The following CCSER1 variants were observed in gnomAD, a reference collection of about 807,000 sequenced individuals.
The protein encoded by CCSER1 is coiled-coil serine rich protein 1.
In CCSER1, 41 loss-of-function variants were observed where a neutral mutation model predicts 82.0. The observed-to-expected ratio is 0.50, with a 90% CI of 0.39 to 0.65. CCSER1 has a LOEUF of 0.65. Ranked by LOEUF, CCSER1 falls within the 30% of genes least tolerant of loss-of-function variation. The pLI is 0.00. For synonymous variants in CCSER1, 414 were observed against 383.9 expected (o/e 1.08, Z -0.92); for missense variants, 1,119 against 1,064.2 (o/e 1.05, Z -0.72).
intron 10 of CCSER1, among the ~76,000 whole-genome samples, chr4:91,234,451 A>G (rs1413436525): frequency 6.6e-6 from 1 of 152,100 alleles, no homozygotes; most frequent in Non-Finnish European, 1.5e-5. Context: ...AAAACCGAAC[A>G]ATTTTAACCC....
intron 10 of CCSER1, among the ~76,000 whole-genome samples, chr4:91,364,558 C>A (rs535337036): frequency 1.3e-5 from 2 of 152,162 alleles, no homozygotes; most frequent in East Asian, 3.9e-4. Context: ...ACCTAACATG[C>A]TCTCAACTGT....
intron 1 of CCSER1, among the ~76,000 whole-genome samples, chr4:90,216,094 A>G (rs983855664): frequency 2.6e-5 from 4 of 152,186 alleles, no homozygotes; most frequent in Non-Finnish European, 5.9e-5. Context: ...GAAACTTTTT[A>G]TATAACACAG....
At chr4:90,417,353 T>C (rs1755955260) in intron 4 of CCSER1, among the ~76,000 whole-genome samples, 1 of 152,140 alleles carries the variant, frequency 6.6e-6, no homozygotes, top group African/African-American at 2.4e-5. Context: ...CTATTTTAAA[T>C]ACCTTAAAAA....
At chr4:90,523,506 G>A (rs1773385206) in intron 5 of CCSER1, among the ~76,000 whole-genome samples, 1 of 152,026 alleles carries the variant, frequency 6.6e-6, no homozygotes, top group African/African-American at 2.4e-5. Context: ...TCTTTTACCT[G>A]TACTACATAA....
At chr4:90,869,528 T>A (rs1435697156) in intron 8 of CCSER1, among the ~76,000 whole-genome samples, 2 of 152,062 alleles carry the variant, frequency 1.3e-5, no homozygotes, top group East Asian at 3.9e-4. Flanking sequence ...TGAATTTATT[T>A]ATGGATTTTC....
At chr4:90,344,277 T>C (rs1741939441) in intron 3 of CCSER1, among the ~76,000 whole-genome samples, 1 of 152,216 alleles carries the variant, frequency 6.6e-6, no homozygotes, top group Non-Finnish European at 1.5e-5. Context: ...CATTCATTTA[T>C]TTTTCTGCCT....
intron 4 of CCSER1, among the ~76,000 whole-genome samples, chr4:90,406,920 G>A (rs1753821467): frequency 6.6e-6 from 1 of 151,922 alleles, no homozygotes. Flanking sequence ...TAGCACAAAT[G>A]GGCAATCTAA....
chr4:90,147,444 T>C (rs1726023069), intron 1 of CCSER1, among the ~76,000 whole-genome samples: 1 of 152,164 alleles, frequency 6.6e-6, no homozygotes, highest in South Asian at 2.1e-4. Context: ...CCATGAATTG[T>C]TTCTGGTTTA....
intron 7 of CCSER1, among the ~76,000 whole-genome samples, chr4:90,727,051 C>G (rs1743780641): frequency 6.6e-6 from 1 of 152,104 alleles, no homozygotes; most frequent in Non-Finnish European, 1.5e-5. Flanking sequence ...TGGGCAGCCT[C>G]TTGATACTGA....
At chr4:90,235,218 C>T (rs528863079) in intron 1 of CCSER1, 9 of 152,802 alleles carry the variant, frequency 5.9e-5, no homozygotes, top group African/African-American at 1.9e-4. Context: ...CTTGGGCTCT[C>T]CATGTCCCAG....
intron 10 of CCSER1, among the ~76,000 whole-genome samples, chr4:91,354,428 T>C (rs1248007461): frequency 6.6e-6 from 1 of 152,190 alleles, no homozygotes; most frequent in Admixed American, 6.5e-5. Flanking sequence ...TGTCCACATA[T>C]CCAGTATAAC....
chr4:90,419,722 T>C (rs1282748893), intron 4 of CCSER1, among the ~76,000 whole-genome samples: 1 of 151,876 alleles, frequency 6.6e-6, no homozygotes, highest in Admixed American at 6.6e-5. Flanking sequence ...TTATTGTAGT[T>C]CTTAATCATC....
chr4:90,919,425 G>C (rs1728055455), intron 8 of CCSER1, among the ~76,000 whole-genome samples: 1 of 151,656 alleles, frequency 6.6e-6, no homozygotes, highest in African/African-American at 2.4e-5. Context: ...TTTTATAAAA[G>C]GAACAAAAAC....
In CCSER1 at chr4:91,367,058, C is replaced by A. The variant is rs139411885; in HGVS notation, c.2218-231514C>A. Among the ~76,000 whole-genome samples the A allele has an allele frequency of 6.3e-3, 902 of 142,088 alleles. 14 individuals carry two copies. The highest frequency in any genetic ancestry group is 0.022 in the African/African-American group (841 of 38,028). 93.2% of individuals were successfully genotyped at this position (142,088 alleles called of 152,430 possible). On this transcript the variant is annotated intron_variant, in intron 10 of 10. Coordinates refer to ENST00000509176, the MANE Select transcript of CCSER1 (RefSeq NM_001145065.2). ...CCTATAATCCTAGCATTTTGGGAGG[C>A]TGAGGTGGGTGGATTGCTTGAATTC...
intron 4 of CCSER1, among the ~76,000 whole-genome samples, chr4:90,464,078 A>G: frequency 6.6e-6 from 1 of 152,166 alleles, no homozygotes; most frequent in Non-Finnish European, 1.5e-5. Context: ...TTTAGGGAAT[A>G]CAGCAATAAT....
chr4:90,365,347 A>T (rs986426414), intron 3 of CCSER1, among the ~76,000 whole-genome samples: 1 of 151,848 alleles, frequency 6.6e-6, no homozygotes, highest in Non-Finnish European at 1.5e-5. Context: ...CCATATTTAC[A>T]TATGTATATA....
chr4:91,594,556 G>A (rs1426655071), intron 10 of CCSER1, among the ~76,000 whole-genome samples: 1 of 151,022 alleles, frequency 6.6e-6, no homozygotes, highest in African/African-American at 2.4e-5. Flanking sequence ...AAATGCATAT[G>A]CCAAAATGTA....
intron 7 of CCSER1, 68 bp downstream of exon 7, chr4:90,724,059 T>A (rs1743200523): frequency 1.0e-6 from 1 of 968,586 alleles, no homozygotes; most frequent in Non-Finnish European, 1.6e-6. Flanking sequence ...TTTAAAATAG[T>A]TTATGTGTAG....
Position 90,477,222 on chromosome 4 carries a change from A to G in CCSER1, c.1724+8868A>G, listed in dbSNP as rs544362737. On this transcript the variant is annotated intron_variant, in intron 5 of 10. Coordinates refer to ENST00000509176, the MANE Select transcript of CCSER1 (RefSeq NM_001145065.2). Reference sequence around the variant, plus strand: ...CTATATAATCCAATATTGATTTTCTACTTTTCCCCTTCCAGGGGAGACTGA... The same window carrying G: ...CTATATAATCCAATATTGATTTTCTGCTTTTCCCCTTCCAGGGGAGACTGA... 5.3e-5 allele frequency among the ~76,000 whole-genome samples: 8 copies of G among 152,356 alleles called. No individual in the cohort carries two copies. The South Asian group carries it at 1.5e-3, about 28-fold the overall frequency.
Sources: gnomAD v4.1 joint callset for allele counts (sites outside exome capture counted in the v4.1 genomes callset) on GRCh38, gnomAD v4.1.1 for gene constraint, MANE v1.5 for transcripts, NCBI Gene and HGNC (gene_info 2026-07-23, HGNC 2026-07-21) for gene names.